CC2D2A: variants seen among roughly 807,000 people sequenced by gnomAD.
CC2D2A encodes the protein coiled-coil and C2 domain-containing protein 2A.
CC2D2A carries 155 observed loss-of-function variants against 212.9 expected under a neutral mutation model. The ratio of observed to expected loss-of-function variants is 0.73; its 90% confidence interval spans 0.64 to 0.83. The LOEUF (loss-of-function observed/expected upper bound fraction) is 0.83, where lower values mean the gene tolerates loss of function less well. Among genes scored for constraint, CC2D2A ranks in the 40% least tolerant of loss-of-function variants. CC2D2A has a pLI of 0.00. For missense variants in CC2D2A, 1,856 were observed against 1,956.2 expected (o/e 0.95, Z 0.97); for synonymous variants, 667 against 686.5 (o/e 0.97, Z 0.44).
At chr4:15,540,484 C>A (rs1718369309) in intron 16 of CC2D2A, among the ~76,000 whole-genome samples, 1 of 152,162 alleles carries the variant, frequency 6.6e-6, no homozygotes, top group Non-Finnish European at 1.5e-5. Flanking sequence ...AAATATAAAT[C>A]ATTATTATCC....
rs1157149153 is a variant in CC2D2A, at chr4:15,586,257, C to T, written c.4065+11C>T. 9.2e-6 allele frequency: 14 copies of T among 1,514,516 alleles called. No individual in the cohort carries two copies. In the East Asian group the frequency reaches 3.1e-4, roughly 33 times the overall value. 93.8% of individuals were successfully genotyped at this position (1,514,516 alleles called of 1,614,324 possible). ...TGGAGCACATCTGATGTAAGTAGTT[C>T]TTCTTCACAGATTTAGAAACTTGAG... On this transcript the variant is annotated intron_variant, in intron 31 of 36. Transcript: ENST00000424120.
At chr4:15,553,871 T>C (rs1408387123) in intron 19 of CC2D2A, among the ~76,000 whole-genome samples, 1 of 152,192 alleles carries the variant, frequency 6.6e-6, no homozygotes, top group African/African-American at 2.4e-5. Flanking sequence ...TCAGAGCCTC[T>C]CTCTGTCATT....
At chr4:15,490,861 C>A (rs987930229) in intron 4 of CC2D2A, among the ~76,000 whole-genome samples, 3 of 148,912 alleles carry the variant, frequency 2.0e-5, no homozygotes, top group African/African-American at 7.5e-5. Flanking sequence ...CTGTGAAAAT[C>A]CATGTCCTGT....
intron 11 of CC2D2A, 74 bp from the exon 12 acceptor site, chr4:15,527,373 C>CA (rs1377179832): frequency 1.8e-6 from 2 of 1,113,762 alleles, no homozygotes; most frequent in Non-Finnish European, 2.6e-6. Context: ...ACCGTTTTCC[C>CA]ATTGTGGATT....
intron 16 of CC2D2A, among the ~76,000 whole-genome samples, chr4:15,540,401 G>A (rs988488253): frequency 6.6e-6 from 1 of 151,954 alleles, no homozygotes; most frequent in African/African-American, 2.4e-5. Flanking sequence ...GAAAAACTTG[G>A]TATCTTGGAA....
At chr4:15,489,173 G>C (rs1715167166) in intron 4 of CC2D2A, among the ~76,000 whole-genome samples, 1 of 152,182 alleles carries the variant, frequency 6.6e-6, no homozygotes, top group African/African-American at 2.4e-5. Flanking sequence ...AGAAAGTTCA[G>C]AATCGAGTGA....
rs1714405007 is a variant in CC2D2A at position 15,478,709 on chromosome 4, G to T, written c.40-14G>T. On this transcript the variant is annotated splice_polypyrimidine_tract_variant and intron_variant, in intron 2 of 36. Coordinates refer to ENST00000424120, the MANE Select transcript of CC2D2A (RefSeq NM_001378615.1). ...CCTGTCTTAAGATTCTCTCCCTTTT[G>T]CATTTTCACAAAGGAGTTCATTGAA... 6.5e-7 allele frequency: 1 copy of T among 1,542,750 alleles called. No individual in the cohort carries two copies. Among genetic ancestry groups the T allele is most frequent in the Non-Finnish European group, 8.8e-7 (1 of 1,140,048 alleles).
At chr4:15,478,581 C>G in intron 2 of CC2D2A, 142 bp from the exon 3 acceptor site, 1 of 633,188 alleles carries the variant, frequency 1.6e-6, no homozygotes, top group Non-Finnish European at 2.8e-6. Flanking sequence ...GAGAGCCGCA[C>G]AGATTGTTAA....
rs10049920 is a variant in CC2D2A, at chr4:15,481,380, G to A, written c.247+553G>A. On this transcript the variant is annotated intron_variant, in intron 4 of 36. Coordinates refer to ENST00000424120, the MANE Select transcript of CC2D2A (RefSeq NM_001378615.1). ...AAAAAAATTAGCCAGGCGTGGTGGC[G>A]CATGCCTGTAATCCCAGCTACTTGG... is the stretch of plus-strand genomic sequence containing the variant. The A allele has an allele frequency of 0.046, 16,488 of 356,782 alleles. 2,145 individuals are homozygous for A. The highest frequency in any genetic ancestry group is 0.3 in the African/African-American group (13,914 of 46,692). The allele number at this position is 356,782 out of a possible 1,614,324, so 22.1% of individuals were successfully genotyped here.
At chr4:15,487,942 T>C (rs909225592) in intron 4 of CC2D2A, among the ~76,000 whole-genome samples, 3 of 136,504 alleles carry the variant, frequency 2.2e-5, no homozygotes, top group Non-Finnish European at 4.7e-5. Flanking sequence ...AAAAATTCTA[T>C]ATTTTAACCC....
At chr4:15,585,763 G>C (rs568480035) in intron 30 of CC2D2A, among the ~76,000 whole-genome samples, 1 of 152,174 alleles carries the variant, frequency 6.6e-6, no homozygotes, top group Non-Finnish European at 1.5e-5. Flanking sequence ...AGTACTATTG[G>C]GAACCACATG....
intron 11 of CC2D2A, among the ~76,000 whole-genome samples, chr4:15,517,743 C>T (rs189407424): frequency 1.6e-4 from 24 of 152,234 alleles, no homozygotes; most frequent in Admixed American, 6.5e-4. Context: ...TATCACGCTG[C>T]TGATAAAGGC....
At chr4:15,573,770 T>G (rs1396444637) in intron 28 of CC2D2A, among the ~76,000 whole-genome samples, 3 of 152,206 alleles carry the variant, frequency 2.0e-5, no homozygotes, top group African/African-American at 7.2e-5. Flanking sequence ...TTCTTAGTGT[T>G]TTATATCTAT....
chr4:15,582,994 G>A (rs765258969), intron 30 of CC2D2A, among the ~76,000 whole-genome samples: 1 of 152,032 alleles, frequency 6.6e-6, no homozygotes, highest in Non-Finnish European at 1.5e-5. Flanking sequence ...ATGCAACATG[G>A]TCAAGTGGGA....
At chr4:15,563,549 T>C in intron 24 of CC2D2A, 27 bp downstream of exon 24, 1 of 1,604,882 alleles carries the variant, frequency 6.2e-7, no homozygotes, top group East Asian at 2.3e-5. Flanking sequence ...CAGCCCGAGA[T>C]GCAGTGTGCA....
At chr4:15,573,451 T>G (rs1399949625) in intron 28 of CC2D2A, among the ~76,000 whole-genome samples, 1 of 152,122 alleles carries the variant, frequency 6.6e-6, no homozygotes, top group East Asian at 1.9e-4. Context: ...CCACCACACC[T>G]GGCTAATTTT....
intron 11 of CC2D2A, among the ~76,000 whole-genome samples, chr4:15,526,029 A>C (rs1240443638): frequency 6.6e-6 from 1 of 152,218 alleles, no homozygotes; most frequent in African/African-American, 2.4e-5. Context: ...GCATTTTTAA[A>C]ATAAAACAAT....
chr4:15,485,608 A>C (rs1048076855), intron 4 of CC2D2A, among the ~76,000 whole-genome samples: 2 of 152,180 alleles, frequency 1.3e-5, no homozygotes, highest in African/African-American at 4.8e-5. Context: ...GTATACAAGC[A>C]TTCCCTTTTC....
intron 17 of CC2D2A, among the ~76,000 whole-genome samples, chr4:15,546,271 A>G (rs1487097706): frequency 6.6e-6 from 1 of 152,198 alleles, no homozygotes; most frequent in African/African-American, 2.4e-5. Flanking sequence ...TGGCTTAGAA[A>G]TTTAAAAAGC....
Sources: allele counts gnomAD v4.1 joint callset (sites outside exome capture counted in the v4.1 genomes callset), GRCh38; gene constraint gnomAD v4.1.1; transcripts MANE v1.5; gene names NCBI Gene and HGNC (gene_info 2026-07-23, HGNC 2026-07-21).